Variants in FOXP1 observed in about 807,000 individuals in gnomAD.
FOXP1 encodes the protein forkhead box protein P1.
Under a neutral mutation model 98.2 loss-of-function variants are expected in FOXP1, and 15 were observed. That is an observed-to-expected ratio of 0.15 (90% confidence interval 0.10 to 0.24). FOXP1 has a LOEUF of 0.24. FOXP1 is among the 10% of genes least tolerant of loss of function. FOXP1 has a pLI of 1.00. For synonymous variants in FOXP1, 371 were observed against 314.5 expected (o/e 1.18, Z -1.90); for missense variants, 633 against 848.5 (o/e 0.75, Z 3.15).
At chr3:71,197,941 C>G in intron 6 of FOXP1, 1 of 1,614,208 alleles carries the variant, frequency 6.2e-7, no homozygotes, top group Non-Finnish European at 8.5e-7. Flanking sequence ...CACAGGTCCA[C>G]TCATCTTCGT....
chr3:71,207,244 A>AGT (rs575801388), intron 5 of FOXP1, among the ~76,000 whole-genome samples: 17,905 of 113,094 alleles, frequency 0.16, 1,272 homozygotes, highest in East Asian at 0.41. Flanking sequence ...AGTTCAGAAA[A>AGT]GTCTTTTTTT....
chr3:71,126,867 C>CAAAAAAAAAAAAAAAAAAAAAAAAA (rs2059230183), intron 6 of FOXP1, among the ~76,000 whole-genome samples: 1 of 68,204 alleles, frequency 1.5e-5, no homozygotes, highest in African/African-American at 5.6e-5. Flanking sequence ...AAAAAAAAAA[C>CAAAAAAAAAAAAAAAAAAAAAAAAA]AAACAAAAAA....
chr3:71,281,241 T>A (rs75098350), intron 5 of FOXP1, among the ~76,000 whole-genome samples: 1,958 of 128,630 alleles, frequency 0.015, 37 homozygotes, highest in African/African-American at 0.043. Context: ...ATAAAAATTT[T>A]AAAAAAAAAA....
intron 6 of FOXP1, among the ~76,000 whole-genome samples, chr3:71,141,777 C>A (rs989426917): frequency 6.6e-6 from 1 of 151,974 alleles, no homozygotes; most frequent in Non-Finnish European, 1.5e-5. Flanking sequence ...GAAGCCTCAG[C>A]CTTCATTAAA....
At chr3:71,373,247 T>C (rs114451355) in intron 3 of FOXP1, among the ~76,000 whole-genome samples, 3 of 152,176 alleles carry the variant, frequency 2.0e-5, no homozygotes, top group African/African-American at 4.8e-5. Context: ...TTTCTTTCTA[T>C]GCCATGGCAA....
chr3:71,493,905 C>T (rs1403516060), intron 2 of FOXP1, among the ~76,000 whole-genome samples: 1 of 151,876 alleles, frequency 6.6e-6, no homozygotes. Flanking sequence ...GATAAATGTA[C>T]CATTCCCTAT....
intron 7 of FOXP1, among the ~76,000 whole-genome samples, chr3:71,081,373 A>G (rs1186410162): frequency 5.3e-5 from 8 of 152,216 alleles, no homozygotes. Flanking sequence ...TCTGATCTGG[A>G]ATAGATTTAG....
At chr3:71,311,558 G>A (rs148440621) in intron 4 of FOXP1, among the ~76,000 whole-genome samples, 4 of 152,274 alleles carry the variant, frequency 2.6e-5, no homozygotes, top group East Asian at 1.9e-4. Flanking sequence ...TAGCATGCTC[G>A]TGCACACAGA....
chr3:71,178,871 G>A lies in FOXP1; in HGVS notation c.180+19331C>T, dbSNP rs1035185431. On this transcript the variant is annotated intron_variant, in intron 6 of 20. Coordinates refer to ENST00000649528, the MANE Select transcript of FOXP1 (RefSeq NM_001349338.3). ...TGCACTGCAGCCTGGGCGACAGAGC[G>A]AGACTCCAACTCAAAAACAAAAAAC... Among the ~76,000 whole-genome samples, 6 of 150,748 alleles carry A rather than the reference G, an allele frequency of 4.0e-5. No individual in the cohort carries two copies. The East Asian group carries it at 8.0e-4, about 20-fold the overall frequency.
intron 18 of FOXP1, chr3:70,971,012 G>A (rs1210373362): frequency 1.8e-6 from 1 of 565,720 alleles, no homozygotes; most frequent in Non-Finnish European, 3.2e-6. Flanking sequence ...CTCTATTCAA[G>A]GAAACTAGGT....
At chr3:71,010,417 T>C (rs2043418175) in intron 12 of FOXP1, among the ~76,000 whole-genome samples, 1 of 152,156 alleles carries the variant, frequency 6.6e-6, no homozygotes, top group African/African-American at 2.4e-5. Flanking sequence ...GGAATACTAC[T>C]ACAATACTAG....
intron 6 of FOXP1, among the ~76,000 whole-genome samples, chr3:71,189,278 T>C (rs1451506575): frequency 1.3e-5 from 2 of 152,348 alleles, no homozygotes; most frequent in East Asian, 1.9e-4. Flanking sequence ...TCTAACTTCA[T>C]AGTTTTGTTC....
intron 12 of FOXP1, among the ~76,000 whole-genome samples, chr3:71,008,406 C>T (rs976568383): frequency 2.0e-5 from 3 of 152,170 alleles, no homozygotes; most frequent in South Asian, 2.1e-4. Context: ...GATGGAAGAA[C>T]GCCGATGAGC....
At chr3:71,135,666 C>T (rs890272042) in intron 6 of FOXP1, among the ~76,000 whole-genome samples, 1 of 152,130 alleles carries the variant, frequency 6.6e-6, no homozygotes, top group Admixed American at 6.5e-5. Context: ...TGCAAACAAC[C>T]CAGAAAACTG....
chr3:71,098,544 G>A (rs1307142411), intron 7 of FOXP1, among the ~76,000 whole-genome samples: 2 of 151,990 alleles, frequency 1.3e-5, no homozygotes, highest in Non-Finnish European at 2.9e-5. Context: ...GTTTCTAGGG[G>A]CTCGCGAACC....
At chr3:71,308,258 GA>G (rs1423477766) in intron 4 of FOXP1, among the ~76,000 whole-genome samples, 1 of 152,102 alleles carries the variant, frequency 6.6e-6, no homozygotes, top group Non-Finnish European at 1.5e-5. Context: ...ATTATCAGTG[GA>G]AAATAATAAC....
In FOXP1 at chr3:71,282,696, A is replaced by G. The variant is rs185564075; in HGVS notation, c.-12+17124T>C. On this transcript the variant is annotated intron_variant, in intron 5 of 20. Coordinates refer to ENST00000649528, the MANE Select transcript of FOXP1 (RefSeq NM_001349338.3). ...GTAGCAAGACCAGGCCCCCAACCCA[A>G]GATGGAAACCTGAACTCCCAACCTA... Among the ~76,000 whole-genome samples the G allele has an allele frequency of 1.8e-3, 270 of 152,318 alleles. 4 individuals are homozygous for G. In the South Asian group the frequency reaches 0.03, roughly 17 times the overall value.
At chr3:71,477,778 AC>A (rs1387532499) in intron 3 of FOXP1, among the ~76,000 whole-genome samples, 12 of 152,370 alleles carry the variant, frequency 7.9e-5, no homozygotes, top group Admixed American at 3.3e-4. Flanking sequence ...AAAGAATATT[AC>A]AAGGTAATTT....
chr3:71,280,757 T>C (rs1456117410), intron 5 of FOXP1, among the ~76,000 whole-genome samples: 1 of 151,900 alleles, frequency 6.6e-6, no homozygotes, highest in African/African-American at 2.4e-5. Flanking sequence ...CAGAGACAAA[T>C]GTTTAGAAGG....
Sources: allele counts gnomAD v4.1 joint callset (sites outside exome capture counted in the v4.1 genomes callset), GRCh38; gene constraint gnomAD v4.1.1; transcripts MANE v1.5; gene names NCBI Gene and HGNC (gene_info 2026-07-23, HGNC 2026-07-21).